PIBF1: variants seen among roughly 807,000 people sequenced by gnomAD.
PIBF1 encodes the protein progesterone immunomodulatory binding factor 1.
Under a neutral mutation model 112.5 loss-of-function variants are expected in PIBF1, and 90 were observed. That is an observed-to-expected ratio of 0.80 (90% CI 0.67 to 0.95). The LOEUF (loss-of-function observed/expected upper bound fraction) is 0.95. Ranked by LOEUF, PIBF1 falls within the 40% of genes least tolerant of loss-of-function variation. PIBF1 has a pLI of 0.00. For missense variants in PIBF1, 915 were observed against 852.3 expected, an observed-to-expected ratio of 1.07 and a Z score of -0.92; for synonymous variants, 301 against 288.6, an observed-to-expected ratio of 1.04 and a Z score of -0.44.
chr13:72,847,028 G>A (rs1454366214), intron 9 of PIBF1, among the ~76,000 whole-genome samples: 1 of 152,122 alleles, frequency 6.6e-6, no homozygotes, highest in Non-Finnish European at 1.5e-5. Context: ...ACTGAGTGTC[G>A]TTTGAAGATA....
chr13:73,015,283 C>T (rs768168296), intron 17 of PIBF1, among the ~76,000 whole-genome samples: 8 of 152,202 alleles, frequency 5.3e-5, no homozygotes, highest in African/African-American at 9.7e-5. Flanking sequence ...TGAGCCACCG[C>T]GCCCAGCCAA....
chr13:72,818,312 A>C (rs918398062), intron 5 of PIBF1, among the ~76,000 whole-genome samples: 1 of 152,166 alleles, frequency 6.6e-6, no homozygotes, highest in Non-Finnish European at 1.5e-5. Context: ...TGTTTAATGA[A>C]AGCCTTGCTC....
chr13:72,886,372 G>A (rs1205559780), intron 10 of PIBF1, among the ~76,000 whole-genome samples: 1 of 151,642 alleles, frequency 6.6e-6, no homozygotes, highest in Non-Finnish European at 1.5e-5. Context: ...TTAAGGGTTT[G>A]TTGTCATGTT....
At chr13:72,793,118 C>A (rs567368397) in intron 3 of PIBF1, among the ~76,000 whole-genome samples, 128 of 152,280 alleles carry the variant, frequency 8.4e-4, no homozygotes, top group African/African-American at 3.0e-3. Context: ...TCATTGGTTT[C>A]TTCCTAAATG....
intron 13 of PIBF1, among the ~76,000 whole-genome samples, chr13:72,920,309 T>C (rs1372419480): frequency 1.3e-5 from 2 of 152,084 alleles, no homozygotes; most frequent in African/African-American, 4.8e-5. Flanking sequence ...AGCCAGAGGG[T>C]TATTTTGAGG....
intron 8 of PIBF1, among the ~76,000 whole-genome samples, chr13:72,828,985 GA>G (rs1436505030): frequency 6.6e-6 from 1 of 152,212 alleles, no homozygotes; most frequent in Non-Finnish European, 1.5e-5. Context: ...TAACTGGCGT[GA>G]GATGGTATCT....
At chr13:72,809,094 T>C (rs960830939) in intron 5 of PIBF1, among the ~76,000 whole-genome samples, 1 of 151,184 alleles carries the variant, frequency 6.6e-6, no homozygotes, top group Non-Finnish European at 1.5e-5. Context: ...TCCAAAATGG[T>C]CTTAATTTTT....
chr13:72,811,829 G>A (rs576581545), intron 5 of PIBF1, among the ~76,000 whole-genome samples: 6 of 152,010 alleles, frequency 3.9e-5, no homozygotes, highest in African/African-American at 1.4e-4. Context: ...AATGGCTTAC[G>A]ATAAAAGTGC....
At chr13:72,986,004 A>T (rs8002897) in intron 16 of PIBF1, among the ~76,000 whole-genome samples, 17,427 of 151,744 alleles carry the variant, frequency 0.11, 2,881 homozygotes, top group African/African-American at 0.37. Flanking sequence ...AAATTTTTTA[A>T]AATAAATAAT....
intron 17 of PIBF1, among the ~76,000 whole-genome samples, chr13:73,013,741 A>G (rs1455277035): frequency 1.5e-5 from 1 of 64,632 alleles, no homozygotes. Flanking sequence ...CAAAAAAAAA[A>G]AAAAAAAAAA....
At chr13:72,968,615 G>A (rs1016718991) in intron 15 of PIBF1, among the ~76,000 whole-genome samples, 23 of 152,060 alleles carry the variant, frequency 1.5e-4, no homozygotes, top group African/African-American at 5.5e-4. Context: ...CATTTGAAAT[G>A]TGGCTACTGT....
rs780132266 is a variant in PIBF1 at position 72,797,932 on chromosome 13, CATT to C, written c.580_582del (p.Leu194del). On this transcript the variant is annotated inframe_deletion, in exon 5 of 18. Transcript: ENST00000326291. Reference sequence around the variant, plus strand: ...GTTCGCTTCTATGAGCTAGTGAATCCATTAAGAAAGGAAATCTGTGAACTACAA... The same window carrying C: ...GTTCGCTTCTATGAGCTAGTGAATCCAAGAAAGGAAATCTGTGAACTACAA... The C allele has an allele frequency of 6.2e-7, 1 of 1,600,134 alleles. No homozygotes were observed. Among genetic ancestry groups the C allele is most frequent in the African/African-American group, 1.3e-5 (1 of 74,256 alleles).
chr13:72,999,650 T>C (rs1208088727), intron 17 of PIBF1, among the ~76,000 whole-genome samples: 1 of 152,236 alleles, frequency 6.6e-6, no homozygotes, highest in African/African-American at 2.4e-5. Flanking sequence ...GAACTTCTGA[T>C]CTCAGTCATT....
At chr13:73,013,868 A>T (rs1457652279) in intron 17 of PIBF1, among the ~76,000 whole-genome samples, 1 of 152,146 alleles carries the variant, frequency 6.6e-6, no homozygotes, top group Non-Finnish European at 1.5e-5. Flanking sequence ...GAAAGAGTGG[A>T]GTGAAACATT....
chr13:72,958,353 T>C (rs963049352), intron 14 of PIBF1, among the ~76,000 whole-genome samples: 69 of 150,894 alleles, frequency 4.6e-4, no homozygotes, highest in African/African-American at 3.7e-4. Context: ...GGCCACAATT[T>C]GAAGTAGTAA....
chr13:72,859,606 A>C (rs536189665), intron 10 of PIBF1, among the ~76,000 whole-genome samples: 2 of 152,302 alleles, frequency 1.3e-5, no homozygotes, highest in African/African-American at 4.8e-5. Flanking sequence ...AGATCTTTTC[A>C]GGCAGAAGTA....
At chr13:72,894,384 A>G (rs1271766281) in intron 11 of PIBF1, among the ~76,000 whole-genome samples, 1 of 152,102 alleles carries the variant, frequency 6.6e-6, no homozygotes, top group Non-Finnish European at 1.5e-5. Flanking sequence ...ATAATTCTAT[A>G]GAACAACTGG....
intron 10 of PIBF1, among the ~76,000 whole-genome samples, chr13:72,860,518 A>T (rs1214697078): frequency 1.3e-5 from 2 of 152,148 alleles, no homozygotes; most frequent in Admixed American, 6.5e-5. Flanking sequence ...TTAATATTCA[A>T]ATATGTGATT....
chr13:72,994,175 A>G (rs1566529134), intron 16 of PIBF1, among the ~76,000 whole-genome samples: 3 of 152,098 alleles, frequency 2.0e-5, no homozygotes, highest in Non-Finnish European at 4.4e-5. Flanking sequence ...AAGGGAGAGA[A>G]AGAGAGGGAA....
Sources: allele counts gnomAD v4.1 joint callset (sites outside exome capture counted in the v4.1 genomes callset), GRCh38; gene constraint gnomAD v4.1.1; transcripts MANE v1.5; gene names NCBI Gene and HGNC (gene_info 2026-07-23, HGNC 2026-07-21).